RAD21: variants seen among roughly 807,000 people sequenced by gnomAD.
RAD21 encodes double-strand-break repair protein rad21 homolog.
A neutral mutation model predicts 71.5 loss-of-function variants in RAD21; 18 were observed. That is an observed-to-expected ratio of 0.25 (90% CI 0.17 to 0.37). RAD21 has a LOEUF of 0.37. Ranked by LOEUF, RAD21 falls within the 10% of genes least tolerant of loss-of-function variation. The probability of loss-of-function intolerance (pLI) is 1.00; values close to 1 mark genes in which losing one functional copy is unlikely to be tolerated. For missense variants in RAD21, 493 were observed against 769.1 expected (o/e 0.64, Z 4.25); for synonymous variants, 248 against 254.0 (o/e 0.98, Z 0.22).
In RAD21 at chr8:116,846,339, G is replaced by C. The variant is rs1288175131; in HGVS notation, c.*1161C>G. 1 of 226,242 alleles carries C rather than the reference G, an allele frequency of 4.4e-6. No homozygotes were observed. The highest frequency in any genetic ancestry group is 2.3e-5 in the African/African-American group (1 of 43,062). 14.0% of individuals were successfully genotyped at this position (226,242 alleles called of 1,614,324 possible). ...TTCAACACTTAAGCTAGAACTTTCA[G>C]TGTTAACTTTGCCCTAAAAAGTTAA... On this transcript the variant is annotated 3_prime_UTR_variant, in exon 14 of 14. Transcript: ENST00000297338.
In RAD21 at chr8:116,846,477, T is replaced by C. The variant is rs1188668460; in HGVS notation, c.*1023A>G. 1 of 225,768 alleles carries C rather than the reference T, an allele frequency of 4.4e-6. No individual in the cohort carries two copies. Among genetic ancestry groups the C allele is most frequent in the Non-Finnish European group, 8.8e-6 (1 of 113,594 alleles). 14.0% of individuals were successfully genotyped at this position (225,768 alleles called of 1,614,324 possible). A position where few individuals can be genotyped will look rare whatever the true frequency, so the allele number is the denominator to read the frequency against. ...CAATTAAATTACAGGAAACTGGATA[T>C]AGGATTTCGTTGCAACGCTATTAAA... On this transcript the variant is annotated 3_prime_UTR_variant, in exon 14 of 14. Transcript: ENST00000297338.
Position 116,852,642 on chromosome 8 carries a change from C to G in RAD21, c.1228G>C (p.Ala410Pro). 6.2e-7 allele frequency: 1 copy of G among 1,613,068 alleles called. No homozygotes were observed. The highest frequency in any genetic ancestry group is 8.5e-7 in the Non-Finnish European group (1 of 1,179,456). Reference protein sequence around the residue: ...DLRKRRKGGEADNLDEFLKEF... With the variant: ...DLRKRRKGGEPDNLDEFLKEF... ...TTGAGGAATTCATCCAAATTATCTGCCTCTCCTCCTTTCCTCCTTTTTCTA... is the reference window on the plus strand; with the variant it reads ...TTGAGGAATTCATCCAAATTATCTGGCTCTCCTCCTTTCCTCCTTTTTCTA... Residue 410 changes from alanine to proline, a missense_variant, in exon 10 of 14, where the codon GCA becomes CCA. Physicochemically the swap from Ala to Pro is conservative, Grantham distance 27. Around this residue, in one of 5 missense-constraint regions of RAD21, gnomAD observed 225 missense variants for 218.3 expected, o/e 1.03. Coordinates refer to ENST00000297338, the MANE Select transcript of RAD21 (RefSeq NM_006265.3).
At chr8:116,853,150 C>T (rs926445077) in intron 9 of RAD21, among the ~76,000 whole-genome samples, 2 of 152,132 alleles carry the variant, frequency 1.3e-5, no homozygotes, top group Admixed American at 1.3e-4. Flanking sequence ...ACAATCTCAG[C>T]TCATTGCAAC....
At chr8:116,852,321 G>T in intron 10 of RAD21, 1 of 636,428 alleles carries the variant, frequency 1.6e-6, no homozygotes, top group Non-Finnish European at 2.6e-6. Flanking sequence ...GTACAATGTA[G>T]GACAATTCTT....
chr8:116,847,267 G>C lies in RAD21; in HGVS notation c.*233C>G. ...CTGAACTGTTAAAATCATCTTCTGA[G>C]TCCTTGGGGTGCTGTTTTCTCCATC... On this transcript the variant is annotated 3_prime_UTR_variant, in exon 14 of 14. Coordinates refer to ENST00000297338, the MANE Select transcript of RAD21 (RefSeq NM_006265.3). 2.2e-6 allele frequency: 1 copy of C among 446,938 alleles called. No individual in the cohort carries two copies. Among genetic ancestry groups the C allele is most frequent in the Non-Finnish European group, 4.0e-6 (1 of 251,628 alleles). The allele number at this position is 446,938 out of a possible 1,614,324, so 27.7% of individuals were successfully genotyped here.
chr8:116,849,317 G>C (rs1812306734), intron 12 of RAD21: 1 of 321,734 alleles, frequency 3.1e-6, no homozygotes, highest in Non-Finnish European at 5.6e-6. Context: ...TATGTGGTCT[G>C]TGGACTGCTG....
Position 116,846,575 on chromosome 8 carries a change from C to T in RAD21, c.*925G>A, listed in dbSNP as rs73310206. ...AACTTACAATAAATATCAGAGAAGCCGTTAGTTTTTACAGCATCGTCTGCT... is the reference window on the plus strand; with the variant it reads ...AACTTACAATAAATATCAGAGAAGCTGTTAGTTTTTACAGCATCGTCTGCT... On this transcript the variant is annotated 3_prime_UTR_variant, in exon 14 of 14. Coordinates refer to ENST00000297338, the MANE Select transcript of RAD21 (RefSeq NM_006265.3). 328 of 228,778 alleles carry T rather than the reference C, an allele frequency of 1.4e-3. No homozygotes were observed. The highest frequency in any genetic ancestry group is 6.4e-3 in the African/African-American group (291 of 45,164). The allele number at this position is 228,778 out of a possible 1,614,324, so 14.2% of individuals were successfully genotyped here.
At chr8:116,851,843 T>C in intron 11 of RAD21, 105 bp downstream of exon 11, 1 of 1,265,368 alleles carries the variant, frequency 7.9e-7, no homozygotes, top group Non-Finnish European at 1.1e-6. Flanking sequence ...TTCCTTACCA[T>C]TTTCTGTCAA....
chr8:116,852,362 C>T (rs779053227), intron 10 of RAD21, 187 bp downstream of exon 10: 30 of 714,338 alleles, frequency 4.2e-5, no homozygotes, highest in Admixed American at 6.5e-5. Context: ...CAGTTCTGAA[C>T]CTTAAAACTC....
chr8:116,855,494 A>G (rs1035088257), intron 8 of RAD21, among the ~76,000 whole-genome samples: 5 of 152,214 alleles, frequency 3.3e-5, no homozygotes, highest in African/African-American at 1.2e-4. Context: ...TCCAGTTTTT[A>G]AATTTAAAAA....
chr8:116,853,751 G>A (rs1186074250), intron 9 of RAD21, among the ~76,000 whole-genome samples: 1 of 152,098 alleles, frequency 6.6e-6, no homozygotes, highest in African/African-American at 2.4e-5. Flanking sequence ...TAACAGCACT[G>A]CTTCATTCAC....
chr8:116,864,220 A>G (rs918259288), intron 2 of RAD21, among the ~76,000 whole-genome samples: 2 of 152,132 alleles, frequency 1.3e-5, no homozygotes, highest in African/African-American at 4.8e-5. Flanking sequence ...AAATTTACTG[A>G]AAGAACAAGG....
intron 2 of RAD21, among the ~76,000 whole-genome samples, chr8:116,864,931 G>A (rs890829569): frequency 1.3e-5 from 2 of 152,066 alleles, no homozygotes; most frequent in Admixed American, 6.6e-5. Context: ...GTGGGGGAGT[G>A]GAAGAGAGAA....
intron 9 of RAD21, among the ~76,000 whole-genome samples, chr8:116,854,002 A>G (rs1468969269): frequency 6.6e-6 from 1 of 152,170 alleles, no homozygotes; most frequent in Non-Finnish European, 1.5e-5. Context: ...AAGTATTATT[A>G]AACACGTCAG....
intron 2 of RAD21, among the ~76,000 whole-genome samples, chr8:116,865,563 C>T (rs1303214225): frequency 7.2e-5 from 11 of 152,132 alleles, no homozygotes; most frequent in African/African-American, 2.4e-4. Context: ...CTTGGCCTAT[C>T]AATTATAATC....
At position 116,846,232 on chromosome 8, in the gene RAD21, T is replaced by TA; in HGVS notation, c.*1267dup. 4.3e-6 allele frequency: 1 copy of TA among 231,118 alleles called. No homozygotes were observed. Among genetic ancestry groups the TA allele is most frequent in the Non-Finnish European group, 8.6e-6 (1 of 116,552 alleles). 14.3% of individuals were successfully genotyped at this position (231,118 alleles called of 1,614,324 possible). On this transcript the variant is annotated 3_prime_UTR_variant, in exon 14 of 14. Coordinates refer to ENST00000297338, the MANE Select transcript of RAD21 (RefSeq NM_006265.3). The stretch of plus-strand genomic sequence containing the variant: ...AACAGTAATTACGAGTTCACAAATT[T>TA]AAAACATTTCACATAATTTTAAATT...
chr8:116,850,243 T>A (rs934533350), intron 12 of RAD21, among the ~76,000 whole-genome samples: 1 of 152,196 alleles, frequency 6.6e-6, no homozygotes, highest in Non-Finnish European at 1.5e-5. Flanking sequence ...CATATGGTTA[T>A]CTGATTTCCA....
At chr8:116,856,143 A>G (rs1724570726) in intron 8 of RAD21, 23 bp downstream of exon 8, 1 of 1,604,998 alleles carries the variant, frequency 6.2e-7, no homozygotes, top group African/African-American at 1.4e-5. Flanking sequence ...ATGCTGTATA[A>G]ATCTAAAGGT....
chr8:116,859,614 TAATC>T (rs1251511114), intron 4 of RAD21, among the ~76,000 whole-genome samples: 1 of 152,100 alleles, frequency 6.6e-6, no homozygotes, highest in Non-Finnish European at 1.5e-5. Context: ...TGGGCAAACT[TAATC>T]AAGAAATGTT....
Sources: allele counts gnomAD v4.1 joint callset (sites outside exome capture counted in the v4.1 genomes callset), GRCh38; gene constraint gnomAD v4.1.1; regional missense constraint gnomAD v4.1.1; transcripts MANE v1.5; gene names NCBI Gene and HGNC (gene_info 2026-07-23, HGNC 2026-07-21).